Variants in NFIB observed in about 807,000 individuals in gnomAD.
NFIB encodes the protein nuclear factor 1 B-type.
A neutral mutation model predicts 61.5 loss-of-function variants in NFIB; 11 were observed. The ratio of observed to expected loss-of-function variants is 0.18; its 90% CI spans 0.11 to 0.30. NFIB has a LOEUF of 0.30. NFIB is among the 10% of genes least tolerant of loss of function. NFIB has a pLI of 1.00. For synonymous variants in NFIB, 260 were observed against 216.5 expected, an observed-to-expected ratio of 1.20 and a Z score of -1.76; for missense variants, 471 against 608.9, an observed-to-expected ratio of 0.77 and a Z score of 2.38.
rs571988390 is a variant in NFIB at position 14,164,020 on chromosome 9, C to A, written c.617-8127G>T. 9.3e-5 allele frequency among the ~76,000 whole-genome samples: 14 copies of A among 150,178 alleles called. No homozygotes were observed. The East Asian group carries it at 2.7e-3, about 29-fold the overall frequency. ...AAAGAAAAAGAAGAAAGAAAGAAACCCATTACTTACCATAAAAGAAAGAAC... is the reference window on the plus strand; with the variant it reads ...AAAGAAAAAGAAGAAAGAAAGAAACACATTACTTACCATAAAAGAAAGAAC... On this transcript the variant is annotated intron_variant, in intron 3 of 10. Coordinates refer to ENST00000380953, the MANE Select transcript of NFIB (RefSeq NM_001190737.2).
intron 2 of NFIB, among the ~76,000 whole-genome samples, chr9:14,299,211 A>G (rs986624327): frequency 6.6e-6 from 1 of 152,164 alleles, no homozygotes; most frequent in Non-Finnish European, 1.5e-5. Flanking sequence ...TTTTTGTCCC[A>G]AGCTCTACCA....
At chr9:14,455,346 A>AT in the NFIB span, among the ~76,000 whole-genome samples, 1 of 152,198 alleles carries the variant, frequency 6.6e-6, no homozygotes, top group African/African-American at 2.4e-5. Context: ...GTCATGCATT[A>AT]TTTACTATTA....
At chr9:14,285,043 A>C (rs2058621186) in intron 2 of NFIB, among the ~76,000 whole-genome samples, 1 of 152,252 alleles carries the variant, frequency 6.6e-6, no homozygotes, top group Non-Finnish European at 1.5e-5. Flanking sequence ...ATTTGCTTGG[A>C]AATCACTAAG....
the NFIB span, among the ~76,000 whole-genome samples, chr9:14,505,019 T>A: frequency 6.6e-6 from 1 of 152,210 alleles, no homozygotes; most frequent in African/African-American, 2.4e-5. Flanking sequence ...TATGCCGATT[T>A]TTCGAGGGTT....
chr9:14,506,941 G>A, the NFIB span, among the ~76,000 whole-genome samples: 10 of 152,140 alleles, frequency 6.6e-5, no homozygotes, highest in African/African-American at 2.2e-4. Context: ...ACTGTTAGGC[G>A]TGTTTTAAAT....
the NFIB span, among the ~76,000 whole-genome samples, chr9:14,496,810 C>T: frequency 0.34 from 52,169 of 152,062 alleles, 10,073 homozygotes; most frequent in African/African-American, 0.53. Context: ...TGGACTTTAT[C>T]AGACACTTGG....
the NFIB span, among the ~76,000 whole-genome samples, chr9:14,454,815 G>T: frequency 1.1e-4 from 17 of 152,254 alleles, 1 homozygote; most frequent in South Asian, 1.2e-3. Context: ...AATATAAGTG[G>T]AATTGACATG....
At chr9:14,130,671 G>T (rs2040296756) in intron 6 of NFIB, among the ~76,000 whole-genome samples, 2 of 151,858 alleles carry the variant, frequency 1.3e-5, no homozygotes, top group South Asian at 4.2e-4. Context: ...ATGCTACTTG[G>T]GAAGAGAATG....
rs146483469 is a variant in NFIB, at chr9:14,231,878, A to T, written c.563-52098T>A. Among the ~76,000 whole-genome samples, 440 of 152,344 alleles carry T rather than the reference A, an allele frequency of 2.9e-3. 2 individuals are homozygous for T. Among genetic ancestry groups the T allele is most frequent in the African/African-American group, 1.0e-2 (415 of 41,588 alleles). On this transcript the variant is annotated intron_variant, in intron 2 of 10. Transcript: ENST00000380953. ...TGGAGTCTAAAACAAGAATGGGTTA[A>T]CAAAAGCAAGGAGGAAAAAAATCTC...
At chr9:14,531,668 T>C in the NFIB span, among the ~76,000 whole-genome samples, 5 of 143,192 alleles carry the variant, frequency 3.5e-5, no homozygotes, top group African/African-American at 1.0e-4. Flanking sequence ...GGACCGACTG[T>C]ACCATTTGCA....
chr9:14,158,522 A>T (rs1174567978), intron 3 of NFIB, among the ~76,000 whole-genome samples: 1 of 152,230 alleles, frequency 6.6e-6, no homozygotes, highest in Non-Finnish European at 1.5e-5. Context: ...TACAGAAGTG[A>T]CTGGGTTTTG....
intron 2 of NFIB, among the ~76,000 whole-genome samples, chr9:14,291,717 G>A (rs567122540): frequency 2.0e-5 from 3 of 151,778 alleles, no homozygotes; most frequent in South Asian, 2.1e-4. Flanking sequence ...AAGCTAATCG[G>A]AAAATTACAA....
At chr9:14,390,679 G>A (rs1053915210) in intron 1 of NFIB, among the ~76,000 whole-genome samples, 4 of 152,198 alleles carry the variant, frequency 2.6e-5, no homozygotes, top group African/African-American at 9.7e-5. Flanking sequence ...CCTCATGAAT[G>A]GGATCAGTGC....
chr9:14,150,030 CA>C (rs2042689040), intron 5 of NFIB, 114 bp downstream of exon 5: 4 of 1,426,030 alleles, frequency 2.8e-6, no homozygotes, highest in Non-Finnish European at 3.8e-6. Context: ...TGTGTACTAC[CA>C]GCAAAAATTA....
chr9:14,444,282 C>A, the NFIB span, among the ~76,000 whole-genome samples: 2 of 152,104 alleles, frequency 1.3e-5, no homozygotes, highest in Non-Finnish European at 1.5e-5. Context: ...AAAGAACACA[C>A]CTAGGGAGAG....
At chr9:14,422,943 C>G in the NFIB span, among the ~76,000 whole-genome samples, 2 of 152,160 alleles carry the variant, frequency 1.3e-5, no homozygotes, top group South Asian at 2.1e-4. Flanking sequence ...TTCTACAGTT[C>G]TGGATTTTCA....
At chr9:14,344,162 A>T (rs2060990273) in intron 1 of NFIB, among the ~76,000 whole-genome samples, 1 of 151,948 alleles carries the variant, frequency 6.6e-6, no homozygotes, top group African/African-American at 2.4e-5. Context: ...AGACAGAGCG[A>T]CATCAAGTGA....
At chr9:14,454,177 C>A in the NFIB span, among the ~76,000 whole-genome samples, 1 of 152,166 alleles carries the variant, frequency 6.6e-6, no homozygotes, top group Non-Finnish European at 1.5e-5. Flanking sequence ...AGTCCAAATA[C>A]AAGTTGTCAT....
the NFIB span, among the ~76,000 whole-genome samples, chr9:14,501,628 A>C: frequency 6.7e-6 from 1 of 150,336 alleles, no homozygotes; most frequent in Admixed American, 6.6e-5. Context: ...GAAGCTAAGA[A>C]TAATAGGTGG....
Sources: allele counts gnomAD v4.1 joint callset (sites outside exome capture counted in the v4.1 genomes callset), GRCh38; gene constraint gnomAD v4.1.1; transcripts MANE v1.5; gene names NCBI Gene and HGNC (gene_info 2026-07-23, HGNC 2026-07-21).